VOPP1: variants seen among roughly 807,000 people sequenced by gnomAD.
VOPP1 encodes VOPP1 WW domain binding protein.
Under a neutral mutation model 23.5 loss-of-function variants are expected in VOPP1, and 8 were observed. The observed-to-expected ratio is 0.34, with a 90% CI of 0.20 to 0.61. The LOEUF is 0.61. Among genes scored for constraint, VOPP1 ranks in the 20% least tolerant of loss-of-function variants. The pLI, the probability that VOPP1 is intolerant of heterozygous loss-of-function variation, is 0.78. For synonymous variants in VOPP1, 83 were observed against 97.3 expected (o/e 0.85, Z 0.86); for missense variants, 174 against 238.1 (o/e 0.73, Z 1.77).
chr7:55,499,110 T>G (rs1249376699), intron 2 of VOPP1, among the ~76,000 whole-genome samples: 1 of 152,022 alleles, frequency 6.6e-6, no homozygotes, highest in Non-Finnish European at 1.5e-5. Context: ...TTCCATGAAA[T>G]GCTCCCATTG....
chr7:55,541,057 AAGG>A (rs1424273885), intron 1 of VOPP1, among the ~76,000 whole-genome samples: 14 of 152,360 alleles, frequency 9.2e-5, no homozygotes, highest in Non-Finnish European at 1.5e-5. Context: ...TCTAGCTGAT[AAGG>A]AACGTATTTA....
chr7:55,477,835 G>C (rs569961374), intron 4 of VOPP1, among the ~76,000 whole-genome samples: 58 of 152,340 alleles, frequency 3.8e-4, no homozygotes, highest in Admixed American at 3.8e-3. Context: ...GACCACGCTG[G>C]AGAGGCTACA....
At chr7:55,456,849 G>A (rs1791379534) in intron 4 of VOPP1, among the ~76,000 whole-genome samples, 1 of 152,148 alleles carries the variant, frequency 6.6e-6, no homozygotes, top group Admixed American at 6.5e-5. Flanking sequence ...ACCTAATGTA[G>A]ATGATGGGTT....
intron 4 of VOPP1, among the ~76,000 whole-genome samples, chr7:55,479,128 T>C (rs530666999): frequency 1.9e-4 from 29 of 151,792 alleles, no homozygotes; most frequent in South Asian, 1.9e-3. Flanking sequence ...AGCCTTGAAC[T>C]ACCTCTTCCA....
chr7:55,531,388 C>T (rs928862044), intron 1 of VOPP1, among the ~76,000 whole-genome samples: 3 of 142,696 alleles, frequency 2.1e-5, no homozygotes, highest in Non-Finnish European at 4.5e-5. Context: ...CTCGCTGTGT[C>T]GCCCATGCTG....
intron 2 of VOPP1, among the ~76,000 whole-genome samples, chr7:55,507,702 T>C (rs150794440): frequency 6.8e-4 from 104 of 152,364 alleles, no homozygotes; most frequent in Non-Finnish European, 1.1e-3. Flanking sequence ...TCAACCTCAG[T>C]TGGTAATCCA....
intron 4 of VOPP1, among the ~76,000 whole-genome samples, chr7:55,444,217 A>G (rs1487003088): frequency 1.3e-5 from 2 of 152,186 alleles, no homozygotes; most frequent in Non-Finnish European, 2.9e-5. Flanking sequence ...AGCTTAAGTT[A>G]GAGATCATCG....
chr7:55,512,880 G>A (rs1052517144), intron 2 of VOPP1, among the ~76,000 whole-genome samples: 5 of 152,236 alleles, frequency 3.3e-5, no homozygotes. Flanking sequence ...TGTCCAGGGA[G>A]CCTGGGACTG....
At chr7:55,487,032 G>A (rs1793196464) in intron 4 of VOPP1, among the ~76,000 whole-genome samples, 1 of 152,206 alleles carries the variant, frequency 6.6e-6, no homozygotes, top group Non-Finnish European at 1.5e-5. Context: ...CACGTCAGAA[G>A]CACCGTCACG....
intron 1 of VOPP1, among the ~76,000 whole-genome samples, chr7:55,534,843 C>G (rs1796690471): frequency 6.6e-6 from 1 of 152,260 alleles, no homozygotes; most frequent in African/African-American, 2.4e-5. Context: ...CTAGCTCACC[C>G]CAGCCACATG....
chr7:55,504,701 C>G (rs751538903), intron 2 of VOPP1, among the ~76,000 whole-genome samples: 16 of 152,258 alleles, frequency 1.1e-4, no homozygotes, highest in Non-Finnish European at 1.3e-4. Context: ...ATTCATGACT[C>G]ACACAGCCAG....
chr7:55,482,920 G>A (rs1195318172), intron 4 of VOPP1, among the ~76,000 whole-genome samples: 1 of 152,158 alleles, frequency 6.6e-6, no homozygotes, highest in Non-Finnish European at 1.5e-5. Flanking sequence ...TGCTGCTGCT[G>A]ATTTTTTAAA....
At chr7:55,533,573 C>A (rs920092318) in intron 1 of VOPP1, among the ~76,000 whole-genome samples, 10 of 152,198 alleles carry the variant, frequency 6.6e-5, no homozygotes, top group Non-Finnish European at 1.5e-4. Flanking sequence ...CATCAGGGAA[C>A]CTTCCGGACC....
rs76446954 is a variant in VOPP1 at position 55,437,465 on chromosome 7, T to C, written n.418-1291A>G. 1.2e-4 allele frequency among the ~76,000 whole-genome samples: 18 copies of C among 152,378 alleles called. No homozygotes were observed. In the East Asian group the frequency reaches 3.3e-3, roughly 28 times the overall value. Reference sequence around the variant, plus strand: ...TGCTCTGCTGTCCTAAACCTTCCATTGCTGCCTGTGGGGATTTCATAGCCA... The same window carrying C: ...TGCTCTGCTGTCCTAAACCTTCCATCGCTGCCTGTGGGGATTTCATAGCCA... On this transcript the variant is annotated intron_variant and non_coding_transcript_variant, in intron 4 of 4. Coordinates refer to the VOPP1 transcript ENST00000462326.
chr7:55,465,830 C>G (rs1299455839), downstream of VOPP1, among the ~76,000 whole-genome samples: 1 of 152,188 alleles, frequency 6.6e-6, no homozygotes, highest in Non-Finnish European at 1.5e-5. Context: ...CAGCAATGCA[C>G]AGTTAGGTCC....
At chr7:55,495,714 A>G (rs1294961380) in intron 3 of VOPP1, among the ~76,000 whole-genome samples, 1 of 152,230 alleles carries the variant, frequency 6.6e-6, no homozygotes, top group Non-Finnish European at 1.5e-5. Flanking sequence ...CCTGGTGTAT[A>G]TCAGACCCGA....
At chr7:55,552,698 G>A (rs1437708338) in intron 1 of VOPP1, 1 of 1,535,948 alleles carries the variant, frequency 6.5e-7, no homozygotes, top group Admixed American at 2.0e-5. Flanking sequence ...AGGTCCTGGA[G>A]CCCCAGCCCC....
intron 4 of VOPP1, among the ~76,000 whole-genome samples, chr7:55,457,234 T>C (rs1791389371): frequency 6.6e-6 from 1 of 152,198 alleles, no homozygotes. Context: ...GACCTCGAGT[T>C]CCAATCCATG....
intron 1 of VOPP1, among the ~76,000 whole-genome samples, chr7:55,544,508 T>C (rs533023242): frequency 3.2e-4 from 49 of 152,304 alleles, no homozygotes; most frequent in African/African-American, 1.1e-3. Context: ...GAAAAGATAG[T>C]GTTTCTTGAA....
Sources: gnomAD v4.1 joint callset for allele counts (sites outside exome capture counted in the v4.1 genomes callset) on GRCh38, gnomAD v4.1.1 for gene constraint, MANE v1.5 for transcripts, NCBI Gene and HGNC (gene_info 2026-07-23, HGNC 2026-07-21) for gene names.